Variants in RGS20 observed in about 807,000 individuals in gnomAD.
RGS20 encodes regulator of G protein signaling 20, also known as gz-selective GTPase-activating protein.
RGS20 carries 30 observed loss-of-function variants against 33.6 expected under a neutral mutation model. The ratio of observed to expected loss-of-function variants is 0.89; its 90% CI spans 0.67 to 1.21. The LOEUF (loss-of-function observed/expected upper bound fraction) is 1.21, where lower values mean the gene tolerates loss of function less well. Among genes scored for constraint, RGS20 ranks in the 50% most tolerant of loss-of-function variants. RGS20 has a pLI of 0.00. For synonymous variants in RGS20, 208 were observed against 197.9 expected, an observed-to-expected ratio of 1.05 and a Z score of -0.43; for missense variants, 472 against 502.4, an observed-to-expected ratio of 0.94 and a Z score of 0.58.
intron 1 of RGS20, chr8:53,876,725 C>A (rs572260161): frequency 2.0e-5 from 3 of 152,302 alleles, no homozygotes; most frequent in Admixed American, 2.0e-4. Flanking sequence ...CTGGGTCCCG[C>A]GCCAGGCTCG....
intron 5 of RGS20, among the ~76,000 whole-genome samples, chr8:53,954,665 A>G (rs906784544): frequency 2.0e-5 from 3 of 150,928 alleles, no homozygotes; most frequent in Non-Finnish European, 4.4e-5. Context: ...ACTCCATCTC[A>G]AAAAACTAAA....
intron 2 of RGS20, among the ~76,000 whole-genome samples, chr8:53,911,918 G>A (rs1042422001): frequency 4.6e-5 from 7 of 152,186 alleles, no homozygotes; most frequent in Non-Finnish European, 8.8e-5. Context: ...TCCAGCTTGG[G>A]TGATGGAGTG....
Position 53,954,178 on chromosome 8 carries a change from A to G in RGS20, c.846A>G (p.Thr282=), listed in dbSNP as rs764399550. 1 of 1,613,944 alleles carries G rather than the reference A, an allele frequency of 6.2e-7. No individual in the cohort carries two copies. Among genetic ancestry groups the G allele is most frequent in the South Asian group, 1.1e-5 (1 of 91,080 alleles). The change falls in exon 5 of 6, where the codon ACA becomes ACG. Residue 282 remains threonine (T), a synonymous_variant. Transcript: ENST00000297313. The stretch of plus-strand genomic sequence containing the variant: ...ATGCATTCCGTGAATTCCTCCGAAC[A>G]GAATTCAGTGAGGAAAATATGCTCT...
At chr8:53,922,596 T>C (rs1813679485) in intron 2 of RGS20, among the ~76,000 whole-genome samples, 2 of 152,214 alleles carry the variant, frequency 1.3e-5, no homozygotes, top group African/African-American at 4.8e-5. Context: ...CCTTATTAAC[T>C]TCCTTTGTTT....
intron 2 of RGS20, among the ~76,000 whole-genome samples, chr8:53,894,615 A>G (rs1812802324): frequency 6.6e-6 from 1 of 152,238 alleles, no homozygotes; most frequent in Admixed American, 6.5e-5. Flanking sequence ...GCCCATGTGC[A>G]GCTGTGGTAT....
At chr8:53,856,883 T>C (rs1202707910) in intron 1 of RGS20, among the ~76,000 whole-genome samples, 1 of 152,090 alleles carries the variant, frequency 6.6e-6, no homozygotes, top group Non-Finnish European at 1.5e-5. Flanking sequence ...TGAGACCTTA[T>C]ACACAGAAAT....
At chr8:53,904,499 G>C (rs911324182) in intron 2 of RGS20, among the ~76,000 whole-genome samples, 9 of 152,160 alleles carry the variant, frequency 5.9e-5, no homozygotes, top group African/African-American at 2.2e-4. Flanking sequence ...TCTATAATTT[G>C]CAATAACTAC....
At chr8:53,942,119 C>T (rs1278185936) in intron 3 of RGS20, among the ~76,000 whole-genome samples, 3 of 151,970 alleles carry the variant, frequency 2.0e-5, no homozygotes, top group South Asian at 2.1e-4. Context: ...ACTAAAAATA[C>T]AAAATTAGTC....
chr8:53,920,630 C>CA (rs1813616230), intron 2 of RGS20, among the ~76,000 whole-genome samples: 1 of 152,094 alleles, frequency 6.6e-6, no homozygotes, highest in Admixed American at 6.6e-5. Context: ...AGAAAGCCAT[C>CA]AGTCTTTCAG....
intron 3 of RGS20, 58 bp from the exon 3 acceptor site, chr8:53,946,607 A>G: frequency 7.3e-7 from 1 of 1,377,846 alleles, no homozygotes; most frequent in Non-Finnish European, 1.0e-6. Flanking sequence ...AGTATTTGTA[A>G]AAAATCTTTT....
In RGS20 at chr8:53,946,682, A is replaced by G; in HGVS notation, c.677A>G (p.Gln226Arg). 1 of 1,612,346 alleles carries G rather than the reference A, an allele frequency of 6.2e-7. No homozygotes were observed. ...TTTTGCAGTCTCACTGTTAGAAACC[A>G]GGAAGATCAGAGGCCCACAATAGCT... The change falls in exon 4 of 6, where the codon CAG becomes CGG. Residue 226 changes from glutamine (Q) to arginine (R), a missense_variant. Transcript: ENST00000297313.
At chr8:53,910,785 G>A (rs546481679) in intron 2 of RGS20, among the ~76,000 whole-genome samples, 1 of 152,278 alleles carries the variant, frequency 6.6e-6, no homozygotes, top group South Asian at 2.1e-4. Flanking sequence ...ACGACCAGGT[G>A]AATCTCAAAA....
At position 53,879,518 on chromosome 8, in the gene RGS20, G is replaced by T. The variant is rs746366246; in HGVS notation, c.426G>T (p.Ser142=). The T allele has an allele frequency of 3.2e-6, 5 of 1,541,518 alleles. No homozygotes were observed. The highest frequency in any genetic ancestry group is 4.4e-6 in the Non-Finnish European group (5 of 1,145,202). The change falls in exon 2 of 6, where the codon TCG becomes TCT. Residue 142 remains serine (S), a synonymous_variant. Transcript: ENST00000297313. ...CGCTGGCACTGCCCGGCCGACCCTC[G>T]GGGGGTCGTCCGCTGAGGCCCCCCC...
At position 53,939,603 on chromosome 8, in the gene RGS20, C is replaced by T. The variant is rs200019464; in HGVS notation, c.538C>T (p.Arg180Trp). 2 of 1,602,924 alleles carry T rather than the reference C, an allele frequency of 1.2e-6. No individual in the cohort carries two copies. The highest frequency in any genetic ancestry group is 1.1e-5 in the South Asian group (1 of 88,974). The change falls in exon 3 of 6, where the codon CGG becomes TGG. Residue 180 changes from arginine to tryptophan, a missense_variant. This residue lies in a region of RGS20 where 319 missense variants were observed against 283.4 expected (regional missense o/e 1.13). Transcript: ENST00000297313. ...GATGGGATCAGAGCGGATGGAGATG[C>T]GGAAGCGGCAGATGCCCGCCGCCCA...
chr8:53,875,429 C>CAAA (rs755991643), intron 1 of RGS20, among the ~76,000 whole-genome samples: 92 of 55,660 alleles, frequency 1.7e-3, no homozygotes, highest in African/African-American at 4.9e-3. Flanking sequence ...AAGACTCTGT[C>CAAA]AAAAAAAAAA....
intron 2 of RGS20, among the ~76,000 whole-genome samples, chr8:53,920,171 A>G (rs1239722519): frequency 6.6e-6 from 1 of 152,136 alleles, no homozygotes; most frequent in Non-Finnish European, 1.5e-5. Flanking sequence ...CATCATGCCC[A>G]GACCTATTTA....
chr8:53,882,265 C>A (rs1812408689), intron 2 of RGS20, among the ~76,000 whole-genome samples: 2 of 152,190 alleles, frequency 1.3e-5, no homozygotes, highest in Non-Finnish European at 2.9e-5. Flanking sequence ...CATCTCCCTC[C>A]ACGCTTGTGG....
chr8:53,866,047 T>A (rs1215593178), intron 1 of RGS20, among the ~76,000 whole-genome samples: 1 of 152,030 alleles, frequency 6.6e-6, no homozygotes, highest in East Asian at 1.9e-4. Context: ...CTGAGGGAAA[T>A]GGCATCTAAG....
chr8:53,923,809 T>C (rs1375343826), intron 2 of RGS20, among the ~76,000 whole-genome samples: 1 of 152,206 alleles, frequency 6.6e-6, no homozygotes, highest in African/African-American at 2.4e-5. Context: ...TGCAACTTTC[T>C]ACTTGATTCT....
Sources: gnomAD v4.1 joint callset for allele counts (sites outside exome capture counted in the v4.1 genomes callset) on GRCh38, gnomAD v4.1.1 for gene constraint, gnomAD v4.1.1 regional missense constraint, MANE v1.5 for transcripts, NCBI Gene and HGNC (gene_info 2026-07-23, HGNC 2026-07-21) for gene names.